Variants in ELAPOR2 observed in about 807,000 individuals in gnomAD.
The protein encoded by ELAPOR2 is endosome/lysosome-associated apoptosis and autophagy regulator family member 2.
In ELAPOR2, 89 loss-of-function variants were observed where a neutral mutation model predicts 120.7. That is an observed-to-expected ratio of 0.74 (90% CI 0.62 to 0.88). The LOEUF is 0.88. ELAPOR2 is among the 40% of genes least tolerant of loss of function. The pLI, the probability that ELAPOR2 is intolerant of heterozygous loss-of-function variation, is 0.00. For missense variants in ELAPOR2, 1,134 were observed against 1,251.6 expected (o/e 0.91, Z 1.42); for synonymous variants, 444 against 444.9 (o/e 1.00, Z 0.03).
At chr7:86,910,891 G>C (rs979106286) in intron 15 of ELAPOR2, among the ~76,000 whole-genome samples, 33 of 151,938 alleles carry the variant, frequency 2.2e-4, no homozygotes, top group African/African-American at 7.7e-4. Context: ...CCTGCTACCA[G>C]GCCTTCTGAC....
chr7:87,035,013 G>A (rs530835062), intron 1 of ELAPOR2, among the ~76,000 whole-genome samples: 9 of 151,462 alleles, frequency 5.9e-5, no homozygotes, highest in Admixed American at 2.6e-4. Context: ...TTGAAGCAGG[G>A]AGGCAGAGGT....
chr7:86,985,893 T>C (rs1792712800), intron 1 of ELAPOR2, among the ~76,000 whole-genome samples: 1 of 150,018 alleles, frequency 6.7e-6, no homozygotes, highest in Non-Finnish European at 1.5e-5. Flanking sequence ...ATATACTAGG[T>C]ATTGAGGGAA....
chr7:86,881,046 A>T (rs540392013), intron 21 of ELAPOR2, among the ~76,000 whole-genome samples: 2 of 152,326 alleles, frequency 1.3e-5, no homozygotes, highest in South Asian at 4.1e-4. Context: ...CCTATTAAAG[A>T]TATTAAACAA....
chr7:86,949,898 A>G (rs1315084047), intron 2 of ELAPOR2, among the ~76,000 whole-genome samples: 1 of 152,176 alleles, frequency 6.6e-6, no homozygotes, highest in Non-Finnish European at 1.5e-5. Context: ...AGTCTCCTGG[A>G]TGGAAGGGGA....
chr7:87,002,402 T>C (rs1032779807), intron 1 of ELAPOR2, among the ~76,000 whole-genome samples: 2 of 152,158 alleles, frequency 1.3e-5, no homozygotes, highest in African/African-American at 2.4e-5. Flanking sequence ...CTGGTGGCCA[T>C]TGCTACTTCT....
At chr7:86,950,247 C>T (rs1008251365) in intron 2 of ELAPOR2, among the ~76,000 whole-genome samples, 14 of 152,264 alleles carry the variant, frequency 9.2e-5, no homozygotes, top group Admixed American at 5.2e-4. Flanking sequence ...TCACCCTCCA[C>T]TTGTCCACAT....
rs562180020 is a variant in ELAPOR2 at position 86,925,720 on chromosome 7, C to G, written c.1271-64G>C. ...TGCATATGGACAACTTCTACTTTCT[C>G]TGTTCCAAACACACTACATTACAAT... On this transcript the variant is annotated intron_variant, in intron 9 of 21. Transcript: ENST00000450689. The G allele has an allele frequency of 1.9e-3, 2,739 of 1,414,790 alleles. 6 individuals carry two copies. Among genetic ancestry groups the G allele is most frequent in the Non-Finnish European group, 2.6e-3 (2,562 of 1,004,368 alleles). 87.6% of individuals were successfully genotyped at this position (1,414,790 alleles called of 1,614,324 possible).
At chr7:86,923,322 G>T (rs1007649864) in intron 10 of ELAPOR2, among the ~76,000 whole-genome samples, 8 of 151,774 alleles carry the variant, frequency 5.3e-5, no homozygotes, top group Non-Finnish European at 1.2e-4. Flanking sequence ...TGTTTGAGAT[G>T]ATAATATCCC....
At chr7:86,984,628 T>C (rs989317304) in intron 1 of ELAPOR2, among the ~76,000 whole-genome samples, 3 of 152,228 alleles carry the variant, frequency 2.0e-5, no homozygotes, top group Non-Finnish European at 4.4e-5. Flanking sequence ...AGATGTTCTT[T>C]GTAACCAATG....
chr7:86,977,387 A>G (rs1157655707), intron 1 of ELAPOR2, among the ~76,000 whole-genome samples: 2 of 152,226 alleles, frequency 1.3e-5, no homozygotes, highest in Non-Finnish European at 1.5e-5. Flanking sequence ...AACAGAAATC[A>G]GAATAAAAGC....
chr7:86,881,045 G>A (rs1246853879), intron 21 of ELAPOR2, among the ~76,000 whole-genome samples: 1 of 152,022 alleles, frequency 6.6e-6, no homozygotes, highest in African/African-American at 2.4e-5. Flanking sequence ...GCCTATTAAA[G>A]ATATTAAACA....
At chr7:86,962,317 C>A (rs1791748175) in intron 2 of ELAPOR2, among the ~76,000 whole-genome samples, 1 of 152,158 alleles carries the variant, frequency 6.6e-6, no homozygotes, top group South Asian at 2.1e-4. Context: ...GAATTTTTAG[C>A]AGTTCCCACA....
At chr7:86,979,245 G>A (rs1624071) in intron 1 of ELAPOR2, among the ~76,000 whole-genome samples, 54,540 of 151,968 alleles carry the variant, frequency 0.36, 10,825 homozygotes, top group African/African-American at 0.52. Context: ...CCAACTCCCC[G>A]AGAAAAGACC....
chr7:87,052,167 C>G (rs1335675605), intron 1 of ELAPOR2, among the ~76,000 whole-genome samples: 1 of 152,170 alleles, frequency 6.6e-6, no homozygotes, highest in African/African-American at 2.4e-5. Flanking sequence ...GGTCCATTTT[C>G]ACACTGCTGA....
chr7:86,937,939 C>G (rs1790635216), intron 8 of ELAPOR2, among the ~76,000 whole-genome samples, 187 bp downstream of exon 8: 1 of 152,046 alleles, frequency 6.6e-6, no homozygotes. Context: ...AAGTTGCCCA[C>G]AGGACTTAAT....
intron 1 of ELAPOR2, among the ~76,000 whole-genome samples, chr7:86,993,487 C>G (rs969730088): frequency 6.6e-6 from 1 of 151,920 alleles, no homozygotes; most frequent in Non-Finnish European, 1.5e-5. Context: ...TGAAGAAATC[C>G]AAAAGGAGGA....
intron 10 of ELAPOR2, among the ~76,000 whole-genome samples, chr7:86,922,005 G>A (rs1050051080): frequency 1.3e-4 from 19 of 151,988 alleles, no homozygotes; most frequent in Admixed American, 7.2e-4. Flanking sequence ...AATATACACA[G>A]AATATCATAA....
intron 1 of ELAPOR2, among the ~76,000 whole-genome samples, chr7:87,033,061 A>G (rs1205115697): frequency 6.6e-6 from 1 of 152,222 alleles, no homozygotes; most frequent in Non-Finnish European, 1.5e-5. Flanking sequence ...AGATTCGATC[A>G]ATAGCCTCTA....
chr7:86,906,194 G>A (rs1347952501), intron 18 of ELAPOR2, among the ~76,000 whole-genome samples: 2 of 152,032 alleles, frequency 1.3e-5, no homozygotes, highest in Admixed American at 6.6e-5. Flanking sequence ...CTGTATGATG[G>A]CATATTAGAA....
Sources: gnomAD v4.1 joint callset for allele counts (sites outside exome capture counted in the v4.1 genomes callset) on GRCh38, gnomAD v4.1.1 for gene constraint, MANE v1.5 for transcripts, NCBI Gene and HGNC (gene_info 2026-07-23, HGNC 2026-07-21) for gene names.